The following CDK14 variants were observed in gnomAD, a reference collection of about 807,000 sequenced individuals.
CDK14 encodes the protein cyclin dependent kinase 14, also known as cyclin-dependent kinase 14.
A neutral mutation model predicts 60.7 loss-of-function variants in CDK14; 34 were observed. The ratio of observed to expected loss-of-function variants is 0.56; its 90% CI spans 0.43 to 0.75. The LOEUF (loss-of-function observed/expected upper bound fraction) is 0.75. Among genes scored for constraint, CDK14 ranks in the 30% least tolerant of loss-of-function variants. The pLI is 0.00. For synonymous variants in CDK14, 197 were observed against 203.7 expected, an observed-to-expected ratio of 0.97 and a Z score of 0.28; for missense variants, 482 against 564.1, an observed-to-expected ratio of 0.85 and a Z score of 1.47.
At chr7:90,659,391 T>G (rs17623081) in intron 2 of CDK14, among the ~76,000 whole-genome samples, 13,768 of 152,232 alleles carry the variant, frequency 0.09, 818 homozygotes, top group South Asian at 0.15. Flanking sequence ...ATTATATGCT[T>G]CCTGCTGATT....
At chr7:90,894,167 C>G (rs1019184649) in intron 6 of CDK14, among the ~76,000 whole-genome samples, 1 of 152,160 alleles carries the variant, frequency 6.6e-6, no homozygotes, top group Non-Finnish European at 1.5e-5. Context: ...GGACAATGTT[C>G]TGAAACTGCT....
intron 2 of CDK14, among the ~76,000 whole-genome samples, chr7:90,703,578 A>T (rs1801834356): frequency 6.6e-6 from 1 of 152,226 alleles, no homozygotes; most frequent in East Asian, 1.9e-4. Flanking sequence ...TGCAGACACA[A>T]GTCTTTTGAA....
At chr7:90,933,604 A>C (rs1793661295) in intron 8 of CDK14, among the ~76,000 whole-genome samples, 1 of 152,242 alleles carries the variant, frequency 6.6e-6, no homozygotes, top group African/African-American at 2.4e-5. Flanking sequence ...TAACTTCTTT[A>C]TATAGAATGG....
intron 5 of CDK14, among the ~76,000 whole-genome samples, chr7:90,855,088 T>C (rs538269506): frequency 1.3e-5 from 2 of 152,296 alleles, no homozygotes; most frequent in African/African-American, 4.8e-5. Context: ...GAACTAGCAG[T>C]GAATGGAGAC....
chr7:90,818,029 A>G (rs1406189907), intron 5 of CDK14, among the ~76,000 whole-genome samples: 2 of 152,172 alleles, frequency 1.3e-5, no homozygotes, highest in Non-Finnish European at 2.9e-5. Context: ...AACACTAGGA[A>G]GTGCTGCTTC....
intron 10 of CDK14, among the ~76,000 whole-genome samples, chr7:91,009,002 C>A (rs142239189): frequency 1.3e-5 from 2 of 151,164 alleles, no homozygotes; most frequent in Admixed American, 1.3e-4. Flanking sequence ...TCCTTGTAGT[C>A]CCCCCTTTCC....
intron 5 of CDK14, among the ~76,000 whole-genome samples, chr7:90,816,101 G>A (rs1430557112): frequency 1.3e-5 from 2 of 152,198 alleles, no homozygotes; most frequent in Non-Finnish European, 2.9e-5. Context: ...AAGGGCCATA[G>A]TGGTTTCTGA....
At chr7:91,027,975 C>T (rs1480883396) in intron 10 of CDK14, among the ~76,000 whole-genome samples, 1 of 122,554 alleles carries the variant, frequency 8.2e-6, no homozygotes, top group Non-Finnish European at 1.7e-5. Flanking sequence ...CTCCCCTTTC[C>T]CCTCTCCCCT....
At chr7:91,068,807 TAAAAAAAAAAAAAA>T (rs57179045) in intron 11 of CDK14, among the ~76,000 whole-genome samples, 1 of 68,794 alleles carries the variant, frequency 1.5e-5, no homozygotes, top group Non-Finnish European at 2.6e-5. Context: ...TACCTTATAT[TAAAAAAAAAAAAAA>T]AAAAAAAAAA....
chr7:91,022,253 C>G (rs903919248), intron 10 of CDK14, among the ~76,000 whole-genome samples: 1 of 152,202 alleles, frequency 6.6e-6, no homozygotes, highest in East Asian at 1.9e-4. Context: ...AATTCATACT[C>G]TGTGTCTTTA....
intron 6 of CDK14, among the ~76,000 whole-genome samples, chr7:90,867,104 A>T (rs1220362286): frequency 6.6e-6 from 1 of 152,202 alleles, no homozygotes; most frequent in East Asian, 1.9e-4. Flanking sequence ...AGACAGACCC[A>T]GGCAGTTGGG....
intron 14 of CDK14, among the ~76,000 whole-genome samples, chr7:91,177,626 A>G (rs1801819105): frequency 6.6e-6 from 1 of 151,978 alleles, no homozygotes; most frequent in African/African-American, 2.4e-5. Context: ...AGGATACAAA[A>G]TCAACGTACA....
intron 2 of CDK14, among the ~76,000 whole-genome samples, chr7:90,619,350 G>A (rs1270298587): frequency 1.3e-5 from 2 of 152,142 alleles, no homozygotes; most frequent in Admixed American, 6.6e-5. Flanking sequence ...TAAGGAAACT[G>A]GACATTTAAA....
chr7:90,846,645 T>C (rs1254937716), intron 5 of CDK14, among the ~76,000 whole-genome samples: 3 of 152,174 alleles, frequency 2.0e-5, no homozygotes, highest in Non-Finnish European at 4.4e-5. Context: ...CAGTGCCCCA[T>C]GCCAGAGTAG....
intron 11 of CDK14, among the ~76,000 whole-genome samples, chr7:91,073,819 TGAAAA>T (rs1798221962): frequency 1.5e-5 from 2 of 136,148 alleles, no homozygotes; most frequent in Admixed American, 7.2e-5. Flanking sequence ...ACCAAGCAAA[TGAAAA>T]GAAAAAAAAA....
chr7:90,702,107 C>T (rs1003464388), intron 2 of CDK14, among the ~76,000 whole-genome samples: 5 of 152,040 alleles, frequency 3.3e-5, no homozygotes, highest in Admixed American at 6.6e-5. Flanking sequence ...CAGTGGATGG[C>T]GTGGGGTGGA....
At chr7:90,950,471 AG>A (rs1160643743) in intron 8 of CDK14, among the ~76,000 whole-genome samples, 2 of 152,208 alleles carry the variant, frequency 1.3e-5, no homozygotes, top group African/African-American at 2.4e-5. Context: ...TAATCCAATA[AG>A]AGATGATATG....
At chr7:90,849,486 G>C (rs991546334) in intron 5 of CDK14, among the ~76,000 whole-genome samples, 2 of 151,946 alleles carry the variant, frequency 1.3e-5, no homozygotes, top group South Asian at 2.1e-4. Context: ...AGTGGTGTTA[G>C]GTTTTTACAC....
At chr7:90,956,557 T>C (rs1012325058) in intron 9 of CDK14, among the ~76,000 whole-genome samples, 5 of 152,184 alleles carry the variant, frequency 3.3e-5, no homozygotes, top group African/African-American at 1.2e-4. Context: ...AGACTCACAG[T>C]TGTGTCCAAA....
Sources: allele counts gnomAD v4.1 joint callset (sites outside exome capture counted in the v4.1 genomes callset), GRCh38; gene constraint gnomAD v4.1.1; transcripts MANE v1.5; gene names NCBI Gene and HGNC (gene_info 2026-07-23, HGNC 2026-07-21).